TSNAXIP1: variants seen among roughly 807,000 people sequenced by gnomAD.
TSNAXIP1 encodes translin-associated factor X-interacting protein 1.
Under a neutral mutation model 84.8 loss-of-function variants are expected in TSNAXIP1, and 89 were observed. The observed-to-expected ratio is 1.05, with a 90% CI of 0.88 to 1.25. TSNAXIP1 has a LOEUF of 1.25. Ranked by LOEUF, TSNAXIP1 falls within the 50% of genes most tolerant of loss-of-function variation. The probability of loss-of-function intolerance (pLI) is 0.00; values close to 1 mark genes in which losing one functional copy is unlikely to be tolerated. For missense variants in TSNAXIP1, 874 were observed against 887.6 expected, an observed-to-expected ratio of 0.98 and a Z score of 0.20; for synonymous variants, 347 against 335.2, an observed-to-expected ratio of 1.04 and a Z score of -0.39.
chr16:67,827,052 A>G lies in TSNAXIP1; in HGVS notation c.1644A>G (p.Leu548=). 6.2e-7 allele frequency: 1 copy of G among 1,614,080 alleles called. No individual in the cohort carries two copies. Among genetic ancestry groups the G allele is most frequent in the South Asian group, 1.1e-5 (1 of 91,086 alleles). ...ATGCTGACAGTCAGAACGAGGGGCT[A>G]CTAACCATGGAGCAGTTCAAGTGAG... The part of the protein sequence containing the change: ...MTNADSQNEG[L]LTMEQFNTVL... The change falls in exon 13 of 16, where the codon CTA becomes CTG. Residue 548 remains leucine, a synonymous_variant. Transcript: ENST00000561639.
At chr16:67,822,565 G>A (rs920170806) in intron 4 of TSNAXIP1, among the ~76,000 whole-genome samples, 1 of 137,216 alleles carries the variant, frequency 7.3e-6, no homozygotes, top group African/African-American at 3.0e-5. Context: ...AGGGAGGGAG[G>A]AAGAGAGAGA....
In TSNAXIP1 at chr16:67,825,288, G is replaced by C. The variant is rs2057353885; in HGVS notation, c.814+16G>C. 3 of 1,613,572 alleles carry C rather than the reference G, an allele frequency of 1.9e-6. No homozygotes were observed. The highest frequency in any genetic ancestry group is 2.5e-6 in the Non-Finnish European group (3 of 1,179,722). ...CAGTCGCCAGGTAAGCCTGAATTGG[G>C]AATCGGGTTTCTCTCTTCTCTGAGA... On this transcript the variant is annotated intron_variant, in intron 7 of 15. Coordinates refer to ENST00000561639, the MANE Select transcript of TSNAXIP1 (RefSeq NM_001288990.3).
At chr16:67,818,494 G>C (rs1211588623) in intron 2 of TSNAXIP1, among the ~76,000 whole-genome samples, 2 of 152,050 alleles carry the variant, frequency 1.3e-5, no homozygotes, top group African/African-American at 4.8e-5. Flanking sequence ...TCCAGCCTGG[G>C]TGACAGAGTA....
rs751807176 is a variant in TSNAXIP1 at position 67,827,048 on chromosome 16, G to C, written c.1640G>C (p.Gly547Ala). 1 of 1,614,066 alleles carries C rather than the reference G, an allele frequency of 6.2e-7. No homozygotes were observed. Among genetic ancestry groups the C allele is most frequent in the Non-Finnish European group, 8.5e-7 (1 of 1,180,026 alleles). Reference protein sequence around the residue: ...EMTNADSQNEGLLTMEQFNTV... With the variant: ...EMTNADSQNEALLTMEQFNTV... ...ACAAATGCTGACAGTCAGAACGAGG[G>C]GCTACTAACCATGGAGCAGTTCAAG... is the stretch of plus-strand genomic sequence containing the variant. Residue 547 changes from glycine (G) to alanine (A), a missense_variant, in exon 13 of 16, where the codon GGG becomes GCG. Transcript: ENST00000561639.
chr16:67,820,841 T>G lies in TSNAXIP1; in HGVS notation c.150T>G (p.Thr50=). The part of the protein sequence containing the change: ...RKLLQKRRTL[T]GQFSMGGHLS... ...ACCCCACCTGTACCTCCCTGCAGAC[T>G]GGTCAGTTCTCCATGGGTGGGCACC... is the stretch of plus-strand genomic sequence containing the variant. The change falls in exon 3 of 16, where the codon ACT becomes ACG. Residue 50 remains threonine, a splice_region_variant and synonymous_variant. Coordinates refer to ENST00000561639, the MANE Select transcript of TSNAXIP1 (RefSeq NM_001288990.3). 1.3e-6 allele frequency: 2 copies of G among 1,531,490 alleles called. No individual in the cohort carries two copies. Among genetic ancestry groups the G allele is most frequent in the Non-Finnish European group, 1.8e-6 (2 of 1,139,832 alleles). 94.9% of individuals were successfully genotyped at this position (1,531,490 alleles called of 1,614,324 possible). A position where few individuals can be genotyped will look rare whatever the true frequency, so the allele number is the denominator to read the frequency against.
intron 2 of TSNAXIP1, among the ~76,000 whole-genome samples, chr16:67,819,734 G>A (rs1485870503): frequency 4.8e-5 from 7 of 145,286 alleles, no homozygotes; most frequent in East Asian, 2.0e-4. Context: ...CGCAACCTCC[G>A]CTTCCCGGGT....
At chr16:67,817,526 C>G (rs1454532919) in intron 2 of TSNAXIP1, among the ~76,000 whole-genome samples, 1 of 147,424 alleles carries the variant, frequency 6.8e-6, no homozygotes, top group Non-Finnish European at 1.5e-5. Flanking sequence ...GTGATTTGCC[C>G]GCCTTGGCCT....
At chr16:67,820,501 C>T (rs2056953498) in intron 2 of TSNAXIP1, among the ~76,000 whole-genome samples, 1 of 152,004 alleles carries the variant, frequency 6.6e-6, no homozygotes, top group South Asian at 2.1e-4. Flanking sequence ...AATCCCAGCA[C>T]TTTGGGAGGC....
chr16:67,812,680 A>T (rs893885222), intron 1 of TSNAXIP1, among the ~76,000 whole-genome samples: 4 of 150,892 alleles, frequency 2.7e-5, no homozygotes, highest in Admixed American at 2.6e-4. Flanking sequence ...AAAAAAAAAA[A>T]ATTGGCTAGG....
At position 67,827,291 on chromosome 16, in the gene TSNAXIP1, A is replaced by G. The variant is rs1355152271; in HGVS notation, c.1707A>G (p.Gln569=). Reference sequence around the variant, plus strand: ...CCTTCCCTCTCAAGACAGAAGAGCAAATCCAGGAGCTGATGGAGGCAGGGG... The same window carrying G: ...CCTTCCCTCTCAAGACAGAAGAGCAGATCCAGGAGCTGATGGAGGCAGGGG... ...KSTFPLKTEE[Q]IQELMEAGGW... Residue 569 remains glutamine, a synonymous_variant, in exon 14 of 16, where the codon CAA becomes CAG. Transcript: ENST00000561639. 1.9e-6 allele frequency: 3 copies of G among 1,614,196 alleles called. No homozygotes were observed. The highest frequency in any genetic ancestry group is 2.5e-6 in the Non-Finnish European group (3 of 1,180,024).
At chr16:67,825,405 C>T in intron 7 of TSNAXIP1, 133 bp downstream of exon 7, 3 of 1,309,466 alleles carry the variant, frequency 2.3e-6, no homozygotes, top group East Asian at 2.3e-5. Context: ...GGAGATGTCC[C>T]TGCCTCCCGC....
At position 67,826,025 on chromosome 16, in the gene TSNAXIP1, C is replaced by G. The variant is rs1402925179; in HGVS notation, c.1093C>G (p.Gln365Glu). The G allele has an allele frequency of 3.1e-6, 5 of 1,613,836 alleles. No individual in the cohort carries two copies. The African/African-American group carries it at 4.0e-5, about 13-fold the overall frequency. ...KERDQFFSEL[Q>E]EIQRTSTPRP... ...ACGGGACCAATTCTTCTCTGAGCTGCAGGAGATCCAGCGCACTTCCACGCC... is the reference window on the plus strand; with the variant it reads ...ACGGGACCAATTCTTCTCTGAGCTGGAGGAGATCCAGCGCACTTCCACGCC... Residue 365 changes from glutamine to glutamate, a missense_variant, in exon 9 of 16, where the codon CAG (glutamine) becomes GAG (glutamate). Transcript: ENST00000561639.
chr16:67,822,892 A>C (rs953050291), intron 4 of TSNAXIP1, among the ~76,000 whole-genome samples: 5 of 152,142 alleles, frequency 3.3e-5, no homozygotes, highest in African/African-American at 9.7e-5. Flanking sequence ...CATGTGTCCA[A>C]ATGGGACAGA....
At chr16:67,812,510 A>G (rs2056180678) in intron 1 of TSNAXIP1, among the ~76,000 whole-genome samples, 1 of 151,548 alleles carries the variant, frequency 6.6e-6, no homozygotes, top group African/African-American at 2.4e-5. Flanking sequence ...TACTAAAAAT[A>G]CAAAAATTAG....
intron 14 of TSNAXIP1, 38 bp from the exon 15 acceptor site, chr16:67,827,435 C>T (rs1327494801): frequency 6.2e-7 from 1 of 1,614,008 alleles, no homozygotes; most frequent in African/African-American, 1.3e-5. Context: ...CTGGACCCTA[C>T]CCAATGTGCC....
intron 11 of TSNAXIP1, 62 bp from the exon 12 acceptor site, chr16:67,826,630 G>A: frequency 1.2e-6 from 2 of 1,611,736 alleles, no homozygotes; most frequent in Non-Finnish European, 1.7e-6. Context: ...AGGTCCAGAG[G>A]TGACAGGGAT....
chr16:67,827,991 T>C lies in TSNAXIP1; in HGVS notation c.2137T>C (p.Ter713GlnextTer17). 2 of 1,612,614 alleles carry C rather than the reference T, an allele frequency of 1.2e-6. No individual in the cohort carries two copies. Among genetic ancestry groups the C allele is most frequent in the South Asian group, 2.2e-5 (2 of 91,070 alleles). Residue 713 changes from the stop codon to glutamine, a stop_lost, in exon 16 of 16, where the codon TAG becomes CAG. Coordinates refer to ENST00000561639, the MANE Select transcript of TSNAXIP1 (RefSeq NM_001288990.3). ...VGPREPEPAS[*>Q] is the part of the protein sequence containing the mutation. ...ACCTCGAGAGCCAGAGCCTGCAAGC[T>C]AGGAACTTGTGGGCAGCCTGCGTAC...
At chr16:67,823,911 T>A (rs2057254333) in intron 5 of TSNAXIP1, among the ~76,000 whole-genome samples, 192 bp downstream of exon 5, 1 of 145,284 alleles carries the variant, frequency 6.9e-6, no homozygotes, top group South Asian at 2.2e-4. Flanking sequence ...CCCAGCTACT[T>A]GGGAGACTGA....
rs1398915637 is a variant in TSNAXIP1 at position 67,825,797 on chromosome 16, T to C, written c.945T>C (p.Phe315=). ...NFGDVVPRRD[F]EMQEKTNKDL... is the part of the protein sequence containing the mutation. ...GAGATGTGGTCCCCAGGAGGGACTT[T>C]GAAATGCAGGAGAAGACCAACAAGG... The change falls in exon 8 of 16, where the codon TTT becomes TTC. Residue 315 remains phenylalanine, a synonymous_variant. Transcript: ENST00000561639. 1.2e-6 allele frequency: 2 copies of C among 1,614,068 alleles called. No homozygotes were observed. Among genetic ancestry groups the C allele is most frequent in the Non-Finnish European group, 1.7e-6 (2 of 1,179,994 alleles).
Sources: allele counts gnomAD v4.1 joint callset (sites outside exome capture counted in the v4.1 genomes callset), GRCh38; gene constraint gnomAD v4.1.1; transcripts MANE v1.5; gene names NCBI Gene and HGNC (gene_info 2026-07-23, HGNC 2026-07-21).